SFMBT2: variants seen among roughly 807,000 people sequenced by gnomAD.
The protein encoded by SFMBT2 is Scm like with four mbt domains 2, also known as scm-like with four MBT domains protein 2.
A neutral mutation model predicts 110.1 loss-of-function variants in SFMBT2; 38 were observed. That is an observed-to-expected ratio of 0.35 (90% CI 0.27 to 0.45). SFMBT2 has a LOEUF of 0.45. SFMBT2 is among the 20% of genes least tolerant of loss of function. SFMBT2 has a pLI of 1.00. For synonymous variants in SFMBT2, 425 were observed against 425.4 expected (o/e 1.00, Z 0.01); for missense variants, 1,011 against 1,094.9 (o/e 0.92, Z 1.08).
At chr10:7,330,204 G>A (rs1295999755) in intron 4 of SFMBT2, among the ~76,000 whole-genome samples, 1 of 152,052 alleles carries the variant, frequency 6.6e-6, no homozygotes, top group Non-Finnish European at 1.5e-5. Context: ...TTCTGTTTCT[G>A]AACAACCTGA....
intron 1 of SFMBT2, 87 bp from the exon 2 acceptor site, chr10:7,382,036 T>G: frequency 4.8e-6 from 3 of 628,796 alleles, no homozygotes; most frequent in Non-Finnish European, 7.6e-6. Context: ...AAAAAAAACC[T>G]TATTAGTGCC....
At chr10:7,342,868 T>C (rs1364554729) in intron 4 of SFMBT2, among the ~76,000 whole-genome samples, 1 of 152,228 alleles carries the variant, frequency 6.6e-6, no homozygotes, top group Non-Finnish European at 1.5e-5. Context: ...AAAGCAATGT[T>C]ACTAACATTT....
rs542736945 is a variant in SFMBT2 at position 7,282,725 on chromosome 10, A to C, written c.772+1179T>G. On this transcript the variant is annotated intron_variant, in intron 6 of 20. Coordinates refer to ENST00000397167, the MANE Select transcript of SFMBT2 (RefSeq NM_001387889.1). ...GAAGTGTTTTCAATTAGAGCCTCTG[A>C]GTGACAGAAAAGATAAATATAACTC... Among the ~76,000 whole-genome samples the C allele has an allele frequency of 9.8e-5, 15 of 152,338 alleles. No homozygotes were observed. The South Asian group carries it at 3.1e-3, about 32-fold the overall frequency.
intron 16 of SFMBT2, among the ~76,000 whole-genome samples, chr10:7,179,957 T>C (rs1838195557): frequency 6.6e-6 from 1 of 152,010 alleles, no homozygotes; most frequent in South Asian, 2.1e-4. Context: ...CCTGAACAAT[T>C]CTGTTTAGAA....
chr10:7,212,055 G>A (rs1403075572), intron 11 of SFMBT2, among the ~76,000 whole-genome samples: 1 of 152,232 alleles, frequency 6.6e-6, no homozygotes, highest in Admixed American at 6.5e-5. Flanking sequence ...TCAGGGGAGG[G>A]AGACTTTGCA....
chr10:7,174,152 G>T (rs1208271969), intron 17 of SFMBT2, among the ~76,000 whole-genome samples: 3 of 152,240 alleles, frequency 2.0e-5, no homozygotes, highest in Non-Finnish European at 4.4e-5. Context: ...CTCAAAAGGA[G>T]CAGCTGGCAG....
At chr10:7,327,001 G>T (rs935199493) in intron 4 of SFMBT2, among the ~76,000 whole-genome samples, 1 of 152,008 alleles carries the variant, frequency 6.6e-6, no homozygotes, top group Non-Finnish European at 1.5e-5. Context: ...ATGTCGCCAT[G>T]CCCTGCGGAC....
chr10:7,248,231 T>C (rs1406077472), intron 8 of SFMBT2, among the ~76,000 whole-genome samples: 4 of 152,260 alleles, frequency 2.6e-5, no homozygotes, highest in East Asian at 1.9e-4. Context: ...TCATATTTAC[T>C]ACTACCCATG....
chr10:7,263,644 T>TA (rs1841287758), intron 7 of SFMBT2, among the ~76,000 whole-genome samples: 1 of 152,214 alleles, frequency 6.6e-6, no homozygotes, highest in African/African-American at 2.4e-5. Flanking sequence ...GGGAAAAAAT[T>TA]AAGCTCTGTC....
chr10:7,176,225 C>A, intron 16 of SFMBT2, 60 bp from the exon 17 acceptor site: 1 of 1,515,844 alleles, frequency 6.6e-7, no homozygotes, highest in Non-Finnish European at 9.1e-7. Context: ...CAGGCCTATT[C>A]TGTACCACAC....
intron 12 of SFMBT2, chr10:7,204,548 G>T: frequency 1.1e-6 from 1 of 924,404 alleles, no homozygotes; most frequent in Non-Finnish European, 1.3e-6. Flanking sequence ...TTTTTAAATG[G>T]TACCATTTTG....
chr10:7,386,824 C>T (rs1845621181), intron 1 of SFMBT2, among the ~76,000 whole-genome samples: 1 of 152,170 alleles, frequency 6.6e-6, no homozygotes, highest in Admixed American at 6.5e-5. Context: ...TAAACATGCA[C>T]TTATTTAATC....
chr10:7,206,439 A>C, intron 11 of SFMBT2: 2 of 985,476 alleles, frequency 2.0e-6, no homozygotes, highest in Non-Finnish European at 2.4e-6. Flanking sequence ...GGAACCAGTC[A>C]AACTCAAAAA....
intron 9 of SFMBT2, chr10:7,228,442 G>A: frequency 8.8e-6 from 6 of 678,648 alleles, no homozygotes; most frequent in Non-Finnish European, 1.1e-5. Flanking sequence ...GTAGAGAAGA[G>A]GGCAACAAAG....
chr10:7,304,686 G>A (rs1463400818), intron 4 of SFMBT2, among the ~76,000 whole-genome samples: 3 of 152,128 alleles, frequency 2.0e-5, no homozygotes, highest in Admixed American at 6.5e-5. Flanking sequence ...ATATCCTATC[G>A]ATGCCGTCCA....
intron 4 of SFMBT2, among the ~76,000 whole-genome samples, chr10:7,308,610 G>A (rs1842761022): frequency 6.6e-6 from 1 of 152,154 alleles, no homozygotes; most frequent in African/African-American, 2.4e-5. Context: ...GTCACCAACA[G>A]AAAGAATGTA....
At chr10:7,224,183 C>G (rs998641035) in intron 10 of SFMBT2, among the ~76,000 whole-genome samples, 2 of 152,122 alleles carry the variant, frequency 1.3e-5, no homozygotes, top group African/African-American at 2.4e-5. Flanking sequence ...ACGTTATATT[C>G]CTACCAAAAG....
At position 7,234,772 on chromosome 10, in the gene SFMBT2, A is replaced by C. The variant is rs201140020; in HGVS notation, c.1121-6835T>G. 7.7e-3 allele frequency among the ~76,000 whole-genome samples: 1,141 copies of C among 147,338 alleles called. 10 individuals are homozygous for C. Among genetic ancestry groups the C allele is most frequent in the African/African-American group, 0.026 (1,057 of 40,378 alleles). ...CAAGTCAAAAGAGAAGAAAATCTCC[A>C]GACACCAAAAAAAAAGTAAAAAATA... On this transcript the variant is annotated intron_variant, in intron 9 of 20. Transcript: ENST00000397167.
intron 7 of SFMBT2, among the ~76,000 whole-genome samples, chr10:7,253,897 C>T (rs763334795): frequency 1.1e-4 from 17 of 148,824 alleles, no homozygotes; most frequent in East Asian, 3.9e-4. Context: ...GTCAACGTAA[C>T]GGAAATTGAG....
Sources: gnomAD v4.1 joint callset for allele counts (sites outside exome capture counted in the v4.1 genomes callset) on GRCh38, gnomAD v4.1.1 for gene constraint, MANE v1.5 for transcripts, NCBI Gene and HGNC (gene_info 2026-07-23, HGNC 2026-07-21) for gene names.